The following TNFAIP6 variants were observed in gnomAD, a reference collection of about 807,000 sequenced individuals.
TNFAIP6 encodes tumor necrosis factor-inducible gene 6 protein.
TNFAIP6 carries 36 observed loss-of-function variants against 33.7 expected under a neutral mutation model. That is an observed-to-expected ratio of 1.07 (90% confidence interval 0.82 to 1.41). The LOEUF is 1.41. TNFAIP6 is among the 40% of genes most tolerant of loss of function. TNFAIP6 has a pLI of 0.00. For missense variants in TNFAIP6, 273 were observed against 331.9 expected (o/e 0.82, Z 1.38); for synonymous variants, 113 against 112.8 (o/e 1.00, Z -0.01).
At chr2:151,359,689 A>G (rs991539374) in intron 1 of TNFAIP6, among the ~76,000 whole-genome samples, 1 of 152,126 alleles carries the variant, frequency 6.6e-6, no homozygotes, top group African/African-American at 2.4e-5. Flanking sequence ...CACCTGGCCC[A>G]GGGAACTCAT....
rs3845844 is a variant in TNFAIP6 at position 151,374,780 on chromosome 2, A to T, written c.664+1191A>T. Among the ~76,000 whole-genome samples, 3 of 152,078 alleles carry T rather than the reference A, an allele frequency of 2.0e-5. No homozygotes were observed. The South Asian group carries it at 6.2e-4, about 31-fold the overall frequency. ...ACAGAAAGTTGAAAGAAAACATCTT[A>T]TTGCTGTAGGAGGTAGTTGGGGGAT... is the stretch of plus-strand genomic sequence containing the variant. On this transcript the variant is annotated intron_variant, in intron 5 of 5. Transcript: ENST00000243347.
chr2:151,381,041 C>A (rs1442361461), downstream of TNFAIP6, among the ~76,000 whole-genome samples: 1 of 152,102 alleles, frequency 6.6e-6, no homozygotes, highest in Non-Finnish European at 1.5e-5. Context: ...TCAGACGATA[C>A]CCTAAAGTAT....
intron 1 of TNFAIP6, among the ~76,000 whole-genome samples, chr2:151,360,181 C>G (rs1017075963): frequency 2.0e-5 from 3 of 152,102 alleles, no homozygotes; most frequent in Non-Finnish European, 4.4e-5. Flanking sequence ...GCCTGTAGTC[C>G]TAGCTACTCA....
At chr2:151,358,723 A>C (rs1218944792) in intron 1 of TNFAIP6, among the ~76,000 whole-genome samples, 1 of 152,200 alleles carries the variant, frequency 6.6e-6, no homozygotes, top group Non-Finnish European at 1.5e-5. Flanking sequence ...TCTGGTAATA[A>C]CTGCAACCAT....
intron 1 of TNFAIP6, among the ~76,000 whole-genome samples, chr2:151,360,698 A>G (rs934958325): frequency 1.3e-5 from 2 of 152,358 alleles, no homozygotes; most frequent in Admixed American, 6.5e-5. Flanking sequence ...ATATGGCAAC[A>G]TACTGGGAAG....
At chr2:151,379,303 A>C in intron 5 of TNFAIP6, 61 bp from the exon 6 acceptor site, 1 of 1,436,206 alleles carries the variant, frequency 7.0e-7, no homozygotes, top group Non-Finnish European at 9.4e-7. Context: ...GAGTCTTTGA[A>C]TTGTCAGCCA....
intron 3 of TNFAIP6, 96 bp from the exon 4 acceptor site, chr2:151,369,923 TA>T: frequency 1.1e-6 from 1 of 913,540 alleles, no homozygotes; most frequent in Non-Finnish European, 1.7e-6. Context: ...TAACATTTCA[TA>T]AAAAGTAATA....
rs1174607222 is a variant in TNFAIP6, at chr2:151,373,554, G to A, written c.629G>A (p.Cys210Tyr). The A allele has an allele frequency of 3.2e-6, 5 of 1,548,812 alleles. No individual in the cohort carries two copies. The highest frequency in any genetic ancestry group is 4.4e-6 in the Non-Finnish European group (5 of 1,142,422). The change falls in exon 5 of 6, where the codon TGT (cysteine) becomes TAT (tyrosine). Residue 210 changes from cysteine to tyrosine, a missense_variant. Transcript: ENST00000243347. ...DDVHGFVGRY[C>Y]GDELPDDIIS... ...TTCTAAAAATTCCTTTTCAGATACT[G>A]TGGAGATGAGCTTCCAGATGACATC...
chr2:151,364,772 G>A (rs1311539015), intron 2 of TNFAIP6, among the ~76,000 whole-genome samples: 3 of 152,118 alleles, frequency 2.0e-5, no homozygotes, highest in Admixed American at 6.6e-5. Context: ...GATAACATCC[G>A]GCAAAGTTGA....
chr2:151,358,957 A>T (rs1684579037), intron 1 of TNFAIP6, among the ~76,000 whole-genome samples: 1 of 152,238 alleles, frequency 6.6e-6, no homozygotes. Flanking sequence ...AGCTAGTAAG[A>T]ATTAAATCCA....
intron 1 of TNFAIP6, among the ~76,000 whole-genome samples, chr2:151,363,358 G>A (rs970680539): frequency 6.7e-6 from 1 of 149,760 alleles, no homozygotes; most frequent in Non-Finnish European, 1.5e-5. Flanking sequence ...TCAGGCTATC[G>A]ATCAAAAACA....
intron 4 of TNFAIP6, among the ~76,000 whole-genome samples, chr2:151,370,551 G>C (rs1176454159): frequency 6.6e-6 from 1 of 151,732 alleles, no homozygotes; most frequent in African/African-American, 2.4e-5. Context: ...TTTGATTATG[G>C]CTAAGTTGTA....
intron 4 of TNFAIP6, among the ~76,000 whole-genome samples, chr2:151,372,810 C>T (rs755256389): frequency 3.3e-5 from 5 of 151,982 alleles, no homozygotes; most frequent in Non-Finnish European, 5.9e-5. Context: ...ATCCCAGCTA[C>T]TCGGGAGCCT....
intron 5 of TNFAIP6, among the ~76,000 whole-genome samples, chr2:151,376,870 T>TG (rs1270789686): frequency 7.1e-6 from 1 of 140,240 alleles, no homozygotes; most frequent in African/African-American, 2.5e-5. Context: ...CTTTTCTTTT[T>TG]TTTTTTTTTT....
At chr2:151,365,974 A>T (rs1219343666) in intron 2 of TNFAIP6, 82 bp from the exon 3 acceptor site, 3 of 1,337,938 alleles carry the variant, frequency 2.2e-6, no homozygotes, top group Non-Finnish European at 3.2e-6. Context: ...TTACTATTGG[A>T]AGTGGCTATC....
intron 4 of TNFAIP6, among the ~76,000 whole-genome samples, chr2:151,371,499 T>A (rs1684813914): frequency 6.6e-6 from 1 of 152,216 alleles, no homozygotes; most frequent in Non-Finnish European, 1.5e-5. Flanking sequence ...GTAATTTAAA[T>A]ACAAAGAAAA....
At chr2:151,375,227 T>C (rs1347217461) in intron 5 of TNFAIP6, among the ~76,000 whole-genome samples, 3 of 149,898 alleles carry the variant, frequency 2.0e-5, no homozygotes, top group African/African-American at 5.0e-5. Context: ...TGGGGTTTTA[T>C]TGGCACAACT....
chr2:151,372,407 A>G (rs946408992), intron 4 of TNFAIP6: 5 of 152,234 alleles, frequency 3.3e-5, no homozygotes, highest in Non-Finnish European at 5.9e-5. Flanking sequence ...AATAAATTAC[A>G]TATTTAGAAA....
chr2:151,374,411 C>T (rs1246607881), intron 5 of TNFAIP6, among the ~76,000 whole-genome samples: 1 of 152,136 alleles, frequency 6.6e-6, no homozygotes, highest in Non-Finnish European at 1.5e-5. Flanking sequence ...TTTCCATCAC[C>T]AGCACCAGCA....
Sources: gnomAD v4.1 joint callset for allele counts (sites outside exome capture counted in the v4.1 genomes callset) on GRCh38, gnomAD v4.1.1 for gene constraint, MANE v1.5 for transcripts, NCBI Gene and HGNC (gene_info 2026-07-23, HGNC 2026-07-21) for gene names.